Variants in SNTG1 observed in about 807,000 individuals in gnomAD.
The protein encoded by SNTG1 is syntrophin gamma 1, also known as gamma-1-syntrophin.
In SNTG1, 39 loss-of-function variants were observed where a neutral mutation model predicts 74.7. The observed-to-expected ratio is 0.52, with a 90% CI of 0.40 to 0.68. SNTG1 has a LOEUF of 0.68. Ranked by LOEUF, SNTG1 falls within the 30% of genes least tolerant of loss-of-function variation. The probability of loss-of-function intolerance (pLI) is 0.00; values close to 1 mark genes in which losing one functional copy is unlikely to be tolerated. For missense variants in SNTG1, 685 were observed against 609.5 expected, an observed-to-expected ratio of 1.12 and a Z score of -1.30; for synonymous variants, 254 against 217.1, an observed-to-expected ratio of 1.17 and a Z score of -1.49.
intron 2 of SNTG1, among the ~76,000 whole-genome samples, chr8:50,366,464 A>G (rs1270748345): frequency 6.6e-6 from 1 of 152,012 alleles, no homozygotes; most frequent in Non-Finnish European, 1.5e-5. Context: ...ATTCATAACA[A>G]GCCCCTTTCA....
intron 2 of SNTG1, among the ~76,000 whole-genome samples, chr8:50,392,800 T>A (rs1369663424): frequency 3.3e-5 from 5 of 152,148 alleles, no homozygotes; most frequent in Non-Finnish European, 1.5e-5. Flanking sequence ...TGCTCAAATG[T>A]GCCATGTTAT....
intron 15 of SNTG1, among the ~76,000 whole-genome samples, chr8:50,693,535 G>A (rs2095391610): frequency 6.6e-6 from 1 of 152,090 alleles, no homozygotes; most frequent in Non-Finnish European, 1.5e-5. Context: ...AATTATAGAG[G>A]CTTCAATATT....
chr8:50,421,187 C>T (rs1178383590), intron 4 of SNTG1, among the ~76,000 whole-genome samples: 2 of 151,706 alleles, frequency 1.3e-5, no homozygotes, highest in African/African-American at 4.8e-5. Flanking sequence ...TAGATCTCCA[C>T]AAGAAAGAAT....
At chr8:50,608,764 T>C (rs2094830456) in intron 13 of SNTG1, among the ~76,000 whole-genome samples, 1 of 151,962 alleles carries the variant, frequency 6.6e-6, no homozygotes, top group South Asian at 2.1e-4. Flanking sequence ...CTAGATGTTT[T>C]ATGTCTTTTT....
intron 17 of SNTG1, among the ~76,000 whole-genome samples, chr8:50,710,642 A>G (rs1326424047): frequency 6.6e-6 from 1 of 152,240 alleles, no homozygotes; most frequent in African/African-American, 2.4e-5. Context: ...TTTTAAAGCT[A>G]GCATAATACA....
intron 17 of SNTG1, among the ~76,000 whole-genome samples, chr8:50,748,135 T>C (rs747429570): frequency 4.6e-5 from 7 of 152,042 alleles, no homozygotes; most frequent in African/African-American, 7.2e-5. Flanking sequence ...GTCTCCTAAT[T>C]ATAAACCTGT....
intron 8 of SNTG1, among the ~76,000 whole-genome samples, chr8:50,477,141 C>G (rs537290435): frequency 6.6e-6 from 1 of 151,444 alleles, no homozygotes; most frequent in Non-Finnish European, 1.5e-5. Flanking sequence ...ATAAGCTGTA[C>G]TCATGGAGGT....
In SNTG1 at chr8:50,445,559, C is replaced by T. The variant is rs16914905; in HGVS notation, c.220-4109C>T. Among the ~76,000 whole-genome samples the T allele has an allele frequency of 6.8e-3, 1,029 of 152,248 alleles. 17 individuals are homozygous for T. Among genetic ancestry groups the T allele is most frequent in the African/African-American group, 0.024 (984 of 41,556 alleles). ...AATGCTTTAGATGGAATTATACATC[C>T]TTCTTCCTACAGAGCTAGCTATAAA... On this transcript the variant is annotated intron_variant, in intron 5 of 18. Transcript: ENST00000642720.
intron 1 of SNTG1, among the ~76,000 whole-genome samples, chr8:50,105,342 G>A (rs965742245): frequency 6.6e-6 from 1 of 152,020 alleles, no homozygotes; most frequent in Non-Finnish European, 1.5e-5. Context: ...GGTTGTAGGT[G>A]TGTAGTTTTA....
At chr8:50,234,850 C>A (rs1167342302) in intron 2 of SNTG1, among the ~76,000 whole-genome samples, 1 of 151,924 alleles carries the variant, frequency 6.6e-6, no homozygotes, top group East Asian at 1.9e-4. Context: ...ATATCAGAAT[C>A]TTTTTGCTAG....
chr8:50,154,761 A>T (rs1488984524), intron 1 of SNTG1, among the ~76,000 whole-genome samples: 2 of 152,182 alleles, frequency 1.3e-5, no homozygotes, highest in African/African-American at 4.8e-5. Context: ...AGAAAACAAA[A>T]CACCTGAACA....
chr8:50,666,107 T>G (rs531604615), intron 15 of SNTG1, among the ~76,000 whole-genome samples: 3 of 152,216 alleles, frequency 2.0e-5, no homozygotes, highest in Admixed American at 2.0e-4. Flanking sequence ...GGAGGAAACA[T>G]CTATCTAATG....
intron 17 of SNTG1, among the ~76,000 whole-genome samples, chr8:50,746,536 A>T (rs763093138): frequency 1.3e-5 from 2 of 151,980 alleles, no homozygotes; most frequent in Non-Finnish European, 2.9e-5. Flanking sequence ...CTGATGAGGA[A>T]CTGAGAACCT....
intron 8 of SNTG1, among the ~76,000 whole-genome samples, chr8:50,473,964 A>C (rs963836973): frequency 1.1e-4 from 16 of 151,992 alleles, no homozygotes; most frequent in African/African-American, 3.4e-4. Context: ...TTTAGTTTTT[A>C]AGTTTTTTTT....
chr8:50,793,018 A>G lies in SNTG1; in HGVS notation c.*189A>G, dbSNP rs2095695759. 4.2e-6 allele frequency: 2 copies of G among 478,998 alleles called. No homozygotes were observed. Among genetic ancestry groups the G allele is most frequent in the Admixed American group, 8.1e-5 (2 of 24,650 alleles). 29.7% of individuals were successfully genotyped at this position (478,998 alleles called of 1,614,324 possible). On this transcript the variant is annotated 3_prime_UTR_variant, in exon 19 of 19. Coordinates refer to ENST00000642720, the MANE Select transcript of SNTG1 (RefSeq NM_018967.5). ...ATTCTGGATGACATCTGTGAAATAT[A>G]CTACATGAACAGAACAGCTTGTTCT...
intron 2 of SNTG1, among the ~76,000 whole-genome samples, chr8:50,176,429 T>A (rs2083001795): frequency 6.6e-6 from 1 of 152,218 alleles, no homozygotes; most frequent in Non-Finnish European, 1.5e-5. Flanking sequence ...AGCCCAGTAC[T>A]GACTTCATAT....
intron 1 of SNTG1, among the ~76,000 whole-genome samples, chr8:50,022,527 C>T (rs1816915815): frequency 6.6e-6 from 1 of 152,170 alleles, no homozygotes; most frequent in African/African-American, 2.4e-5. Context: ...TCCTCCCTAG[C>T]ACTGATAAAT....
chr8:50,311,050 G>A (rs1185773922), intron 2 of SNTG1, among the ~76,000 whole-genome samples: 1 of 152,174 alleles, frequency 6.6e-6, no homozygotes, highest in African/African-American at 2.4e-5. Flanking sequence ...CTGATTCATT[G>A]CTTATTTCAC....
At chr8:50,780,561 A>AT (rs1385442108) in intron 18 of SNTG1, among the ~76,000 whole-genome samples, 1 of 152,036 alleles carries the variant, frequency 6.6e-6, no homozygotes, top group Non-Finnish European at 1.5e-5. Flanking sequence ...CCCCTTTATC[A>AT]TTTTTTATTG....
Sources: allele counts gnomAD v4.1 joint callset (sites outside exome capture counted in the v4.1 genomes callset), GRCh38; gene constraint gnomAD v4.1.1; transcripts MANE v1.5; gene names NCBI Gene and HGNC (gene_info 2026-07-23, HGNC 2026-07-21).